HAAO: variants seen among roughly 807,000 people sequenced by gnomAD.
The protein encoded by HAAO is 3-hydroxyanthranilate oxygenase.
In HAAO, 49 loss-of-function variants were observed where a neutral mutation model predicts 46.2. The ratio of observed to expected loss-of-function variants is 1.06; its 90% CI spans 0.84 to 1.34. The LOEUF is 1.34. Among genes scored for constraint, HAAO ranks in the 40% most tolerant of loss-of-function variants. HAAO has a pLI of 0.00. For synonymous variants in HAAO, 157 were observed against 145.2 expected (o/e 1.08, Z -0.58); for missense variants, 408 against 364.5 (o/e 1.12, Z -0.97).
rs769557534 is a variant in HAAO at position 42,767,416 on chromosome 2, C to CT, written c.*20dup. On this transcript the variant is annotated 3_prime_UTR_variant, in exon 10 of 10. Coordinates refer to ENST00000294973, the MANE Select transcript of HAAO (RefSeq NM_012205.3). ...AGGGTGCTTGGCACACCTGTGGCTG[C>CT]TTCAGGCCATGGCAAGAGGGTCACC... 2.5e-6 allele frequency: 4 copies of CT among 1,590,320 alleles called. No homozygotes were observed. In the Admixed American group the frequency reaches 6.7e-5, roughly 27 times the overall value.
At chr2:42,782,141 TC>T (rs1672046708) in intron 4 of HAAO, among the ~76,000 whole-genome samples, 3 of 152,230 alleles carry the variant, frequency 2.0e-5, no homozygotes, top group Admixed American at 1.3e-4. Context: ...TTTTTTTACT[TC>T]TTTTTTTGTT....
intron 4 of HAAO, among the ~76,000 whole-genome samples, chr2:42,782,426 A>T (rs1374437017): frequency 1.3e-5 from 2 of 152,176 alleles, no homozygotes; most frequent in Non-Finnish European, 2.9e-5. Flanking sequence ...TCTAAAACTG[A>T]ACTTCCCTAA....
intron 4 of HAAO, among the ~76,000 whole-genome samples, chr2:42,781,675 C>G (rs1362493715): frequency 6.6e-6 from 1 of 152,136 alleles, no homozygotes; most frequent in African/African-American, 2.4e-5. Flanking sequence ...GAGTTCGAGA[C>G]TAGCCTGGCC....
chr2:42,780,554 A>G (rs1302725623), intron 4 of HAAO, among the ~76,000 whole-genome samples: 1 of 151,960 alleles, frequency 6.6e-6, no homozygotes, highest in Non-Finnish European at 1.5e-5. Flanking sequence ...GGAGATTGTG[A>G]CATTAGAATA....
intron 4 of HAAO, among the ~76,000 whole-genome samples, chr2:42,772,370 A>C (rs1671200683): frequency 6.6e-6 from 1 of 151,762 alleles, no homozygotes; most frequent in African/African-American, 2.4e-5. Context: ...AATCCCAGCT[A>C]CTCAGGAGGC....
intron 2 of HAAO, 135 bp downstream of exon 2, chr2:42,788,394 C>G (rs1672547400): frequency 1.4e-6 from 1 of 690,656 alleles, no homozygotes; most frequent in Admixed American, 2.1e-5. Context: ...TCAGCTGTGC[C>G]CCCTCCACTC....
Position 42,785,019 on chromosome 2 carries a change from A to G in HAAO, c.160-1152T>C, listed in dbSNP as rs182890201. On this transcript the variant is annotated intron_variant, in intron 2 of 9. Transcript: ENST00000294973. Reference sequence around the variant, plus strand: ...GAGACATACCTGCCTAGTGGTGTACATTCAAGGCTGTTTTCAATGCAGTGC... The same window carrying G: ...GAGACATACCTGCCTAGTGGTGTACGTTCAAGGCTGTTTTCAATGCAGTGC... Among the ~76,000 whole-genome samples the G allele has an allele frequency of 9.6e-4, 147 of 152,348 alleles. 1 individual carries two copies. Among genetic ancestry groups the G allele is most frequent in the Admixed American group, 2.7e-3 (42 of 15,306 alleles).
intron 1 of HAAO, 26 bp from the exon 2 acceptor site, chr2:42,788,633 G>T: frequency 1.5e-6 from 2 of 1,336,236 alleles, no homozygotes; most frequent in Non-Finnish European, 2.1e-6. Context: ...TGGGGGAGAC[G>T]TTCTAAACCA....
At chr2:42,773,425 A>T (rs1436521369) in intron 4 of HAAO, among the ~76,000 whole-genome samples, 1 of 151,978 alleles carries the variant, frequency 6.6e-6, no homozygotes, top group East Asian at 1.9e-4. Context: ...TTCTGGCTGC[A>T]CTGGGGGAGG....
At chr2:42,776,664 A>C (rs1573921531) in intron 4 of HAAO, among the ~76,000 whole-genome samples, 4 of 130,462 alleles carry the variant, frequency 3.1e-5, no homozygotes, top group Admixed American at 8.5e-5. Flanking sequence ...ATGGAGTCTC[A>C]CTCTGTCACT....
At chr2:42,782,369 C>A (rs1347530389) in intron 4 of HAAO, among the ~76,000 whole-genome samples, 1 of 152,136 alleles carries the variant, frequency 6.6e-6, no homozygotes, top group African/African-American at 2.4e-5. Context: ...GTTTTTCTCC[C>A]TTCCTCCCCC....
At chr2:42,769,619 AAGAGAGAG>A (rs10535571) in intron 7 of HAAO, 86 bp downstream of exon 7, 298 of 841,372 alleles carry the variant, frequency 3.5e-4, no homozygotes, top group Non-Finnish European at 4.6e-4. Context: ...GTGTGTGTGA[AAGAGAGAG>A]AGAGAGAGGC....
chr2:42,792,504 C>A lies in HAAO; in HGVS notation c.33G>T (p.Val11=), dbSNP rs1246070930. ...GCTGGAAGGAGCCCCGGTTCTCCTT[C>A]ACCCAGGCCCTCACTCCCAGGCGGC... MERRLGVRAW[V]KENRGSFQPP... is the part of the protein sequence containing the mutation. The change falls in exon 1 of 10, where the codon GTG becomes GTT. Residue 11 remains valine (V), a synonymous_variant. Coordinates refer to ENST00000294973, the MANE Select transcript of HAAO (RefSeq NM_012205.3). The A allele has an allele frequency of 1.9e-6, 3 of 1,593,724 alleles. No individual in the cohort carries two copies. The highest frequency in any genetic ancestry group is 2.6e-6 in the Non-Finnish European group (3 of 1,170,702).
intron 4 of HAAO, among the ~76,000 whole-genome samples, chr2:42,778,335 ATT>A (rs35140404): frequency 2.0e-5 from 3 of 149,838 alleles, no homozygotes; most frequent in Admixed American, 1.3e-4. Context: ...GGTCCTGCTA[ATT>A]TTTTTTTTTG....
In HAAO at chr2:42,777,322, AAG is replaced by A. The variant is rs1349481449; in HGVS notation, c.350+5990_350+5991del. Among the ~76,000 whole-genome samples the A allele has an allele frequency of 2.3e-3, 334 of 148,196 alleles. 22 individuals are homozygous for A. The highest frequency in any genetic ancestry group is 6.7e-3 in the African/African-American group (270 of 40,586). ...TTATCGCAAAAAAAAAAAAAAAAAA[AAG>A]AAGAAAGAAAAGAAGAAAAAGAATG... On this transcript the variant is annotated intron_variant, in intron 4 of 9. Transcript: ENST00000294973.
At position 42,770,504 on chromosome 2, in the gene HAAO, G is replaced by T; in HGVS notation, c.429C>A (p.Pro143=). 6.5e-7 allele frequency: 1 copy of T among 1,550,218 alleles called. No homozygotes were observed. Among genetic ancestry groups the T allele is most frequent in the East Asian group, 2.4e-5 (1 of 41,028 alleles). ...GGCTGGGGGCTCACTCCTGGATGAT[G>T]GGGGCCAACTGCGTGCCGAGGTCCT... ...YCKDLGTQLA[P]IIQEFFSSEQ... is the part of the protein sequence containing the mutation. Residue 143 remains proline, a synonymous_variant, in exon 5 of 10, where the codon CCC becomes CCA. Transcript: ENST00000294973.
chr2:42,782,453 C>T (rs989310796), intron 4 of HAAO, among the ~76,000 whole-genome samples: 1 of 152,158 alleles, frequency 6.6e-6, no homozygotes, highest in Non-Finnish European at 1.5e-5. Context: ...GGGATCTACC[C>T]GTCTAGGAAT....
At chr2:42,783,921 G>A (rs1672203616) in intron 2 of HAAO, 54 bp from the exon 3 acceptor site, 1 of 1,568,614 alleles carries the variant, frequency 6.4e-7, no homozygotes, top group Non-Finnish European at 8.7e-7. Flanking sequence ...CCAGGTCCTT[G>A]GCCACTGCCC....
chr2:42,789,108 T>G (rs536905200), intron 1 of HAAO: 1 of 179,658 alleles, frequency 5.6e-6, no homozygotes, highest in Admixed American at 5.5e-5. Context: ...TCAGGCGGTG[T>G]CAAGTCAGTG....
Sources: gnomAD v4.1 joint callset for allele counts (sites outside exome capture counted in the v4.1 genomes callset) on GRCh38, gnomAD v4.1.1 for gene constraint, MANE v1.5 for transcripts, NCBI Gene and HGNC (gene_info 2026-07-23, HGNC 2026-07-21) for gene names.